GPC6: variants seen among roughly 807,000 people sequenced by gnomAD.
GPC6 encodes glypican 6.
GPC6 carries 14 observed loss-of-function variants against 55.2 expected under a neutral mutation model. The ratio of observed to expected loss-of-function variants is 0.25; its 90% CI spans 0.17 to 0.40. The LOEUF is 0.40. Among genes scored for constraint, GPC6 ranks in the 10% least tolerant of loss-of-function variants. The pLI, the probability that GPC6 is intolerant of heterozygous loss-of-function variation, is 1.00. For missense variants in GPC6, 641 were observed against 708.5 expected (o/e 0.90, Z 1.08); for synonymous variants, 278 against 259.6 (o/e 1.07, Z -0.68).
intron 1 of GPC6, among the ~76,000 whole-genome samples, chr13:93,451,482 AT>A (rs1292011073): frequency 1.3e-5 from 2 of 152,198 alleles, no homozygotes; most frequent in African/African-American, 4.8e-5. Context: ...TTTAAAGAAT[AT>A]TTCCTGACAA....
intron 1 of GPC6, among the ~76,000 whole-genome samples, chr13:93,372,801 A>C (rs1874726065): frequency 6.6e-6 from 1 of 152,192 alleles, no homozygotes; most frequent in African/African-American, 2.4e-5. Flanking sequence ...AGAAGATTTA[A>C]ACTGAGTCTA....
intron 1 of GPC6, among the ~76,000 whole-genome samples, chr13:93,312,181 T>G (rs1251490727): frequency 6.6e-6 from 1 of 152,154 alleles, no homozygotes; most frequent in Admixed American, 6.5e-5. Flanking sequence ...AAATAGTCAG[T>G]TTTTTGTCTG....
At chr13:93,657,366 A>C (rs185857450) in intron 2 of GPC6, among the ~76,000 whole-genome samples, 87 of 152,296 alleles carry the variant, frequency 5.7e-4, no homozygotes, top group African/African-American at 2.0e-3. Context: ...CTTTCTATTC[A>C]ATAAATAATG....
At chr13:94,076,132 G>GTT (rs61343081) in intron 4 of GPC6, among the ~76,000 whole-genome samples, 1 of 144,298 alleles carries the variant, frequency 6.9e-6, no homozygotes, top group Non-Finnish European at 1.5e-5. Flanking sequence ...TATTATCTTT[G>GTT]TTTTTTTTTT....
intron 4 of GPC6, among the ~76,000 whole-genome samples, chr13:94,219,132 C>A (rs77091359): frequency 6.6e-6 from 1 of 152,076 alleles, no homozygotes; most frequent in Non-Finnish European, 1.5e-5. Context: ...GTAACCACAA[C>A]GGCAATAACA....
At chr13:94,330,274 G>A (rs572123490) in intron 6 of GPC6, among the ~76,000 whole-genome samples, 16 of 58,710 alleles carry the variant, frequency 2.7e-4, no homozygotes, top group East Asian at 1.5e-3. Context: ...AATTTTTACC[G>A]TTTAAAGTCT....
chr13:94,212,372 G>A (rs916557726), intron 4 of GPC6, among the ~76,000 whole-genome samples: 1 of 152,040 alleles, frequency 6.6e-6, no homozygotes, highest in Admixed American at 6.6e-5. Flanking sequence ...TGTGGATCTA[G>A]GAAAGTCATT....
At position 93,269,741 on chromosome 13, in the gene GPC6, C is replaced by T. The variant is rs113185243; in HGVS notation, c.160+42125C>T. Among the ~76,000 whole-genome samples, 574 of 139,386 alleles carry T rather than the reference C, an allele frequency of 4.1e-3. 5 individuals are homozygous for T. The highest frequency in any genetic ancestry group is 0.015 in the African/African-American group (535 of 36,380). The allele number at this position is 139,386 out of a possible 152,430, so 91.4% of individuals were successfully genotyped here. ...GAGATCAAGACTATCCTGGCTAGCA[C>T]GGTGAAACCCCATCTCTACTAAAAA... On this transcript the variant is annotated intron_variant, in intron 1 of 8. Transcript: ENST00000377047.
At chr13:94,366,356 A>G (rs1879286967) in intron 6 of GPC6, among the ~76,000 whole-genome samples, 1 of 152,204 alleles carries the variant, frequency 6.6e-6, no homozygotes, top group African/African-American at 2.4e-5. Flanking sequence ...AAAGGGGTCA[A>G]TCCTATGCCA....
rs189887293 is a variant in GPC6 at position 93,912,571 on chromosome 13, A to G, written c.711+82026A>G. Among the ~76,000 whole-genome samples the G allele has an allele frequency of 5.9e-3, 899 of 152,050 alleles. 8 individuals carry two copies. Among genetic ancestry groups the G allele is most frequent in the East Asian group, 9.5e-3 (49 of 5,150 alleles). On this transcript the variant is annotated intron_variant, in intron 3 of 8. Coordinates refer to ENST00000377047, the MANE Select transcript of GPC6 (RefSeq NM_005708.5). ...ATCCTGGCTAACACGGTGAAACCCC[A>G]TCTCTACTAAAAATACAAAAAATTA...
chr13:93,840,852 A>T (rs565284432), intron 3 of GPC6, among the ~76,000 whole-genome samples: 1 of 152,222 alleles, frequency 6.6e-6, no homozygotes, highest in Non-Finnish European at 1.5e-5. Context: ...AGACCCAAGG[A>T]TAAAACACTA....
intron 4 of GPC6, among the ~76,000 whole-genome samples, chr13:94,256,640 G>A (rs929293630): frequency 2.6e-5 from 4 of 152,062 alleles, no homozygotes; most frequent in East Asian, 1.9e-4. Context: ...CATATCAGCC[G>A]CACTGCAAAG....
intron 4 of GPC6, among the ~76,000 whole-genome samples, chr13:94,206,374 C>T (rs1308748746): frequency 2.0e-5 from 3 of 152,058 alleles, no homozygotes; most frequent in Admixed American, 2.0e-4. Context: ...ATGCTGCAGA[C>T]CACATTATTT....
At chr13:93,480,041 CA>C (rs1280090609) in intron 1 of GPC6, among the ~76,000 whole-genome samples, 1 of 152,144 alleles carries the variant, frequency 6.6e-6, no homozygotes, top group African/African-American at 2.4e-5. Flanking sequence ...AAGTGAATGT[CA>C]AATCATACAT....
chr13:93,903,377 G>T (rs939847556), intron 3 of GPC6, among the ~76,000 whole-genome samples: 18 of 152,056 alleles, frequency 1.2e-4, no homozygotes, highest in African/African-American at 4.1e-4. Context: ...TTCTCCTTCA[G>T]TTTTTCCAAA....
At chr13:93,739,354 A>T (rs561595850) in intron 2 of GPC6, among the ~76,000 whole-genome samples, 16 of 152,284 alleles carry the variant, frequency 1.1e-4, no homozygotes, top group African/African-American at 3.8e-4. Flanking sequence ...TGTATGTATT[A>T]AAGCTCAAAA....
At chr13:94,128,825 G>A (rs182206724) in intron 4 of GPC6, among the ~76,000 whole-genome samples, 3 of 152,178 alleles carry the variant, frequency 2.0e-5, no homozygotes, top group Non-Finnish European at 2.9e-5. Flanking sequence ...TCAGAAGGTC[G>A]GAGAATCACA....
chr13:93,900,034 G>T (rs1313013647), intron 3 of GPC6, among the ~76,000 whole-genome samples: 1 of 152,032 alleles, frequency 6.6e-6, no homozygotes, highest in Non-Finnish European at 1.5e-5. Context: ...AATAATTTGT[G>T]GACTCAAACA....
chr13:93,505,414 C>G (rs1880673634), intron 1 of GPC6, among the ~76,000 whole-genome samples: 1 of 147,800 alleles, frequency 6.8e-6, no homozygotes, highest in Non-Finnish European at 1.5e-5. Context: ...AACTCTCATT[C>G]TCTCTCTCAC....
Sources: gnomAD v4.1 joint callset for allele counts (sites outside exome capture counted in the v4.1 genomes callset) on GRCh38, gnomAD v4.1.1 for gene constraint, MANE v1.5 for transcripts, NCBI Gene and HGNC (gene_info 2026-07-23, HGNC 2026-07-21) for gene names.